PLXNA2: variants seen among roughly 807,000 people sequenced by gnomAD.
PLXNA2 encodes the protein plexin A2, also known as plexin-A2.
In PLXNA2, 91 loss-of-function variants were observed where a neutral mutation model predicts 193.5. That is an observed-to-expected ratio of 0.47 (90% CI 0.40 to 0.56). The LOEUF is 0.56. Ranked by LOEUF, PLXNA2 falls within the 20% of genes least tolerant of loss-of-function variation. The probability of loss-of-function intolerance (pLI) is 0.00; values close to 1 mark genes in which losing one functional copy is unlikely to be tolerated. For missense variants in PLXNA2, 1,995 were observed against 2,503.2 expected, an observed-to-expected ratio of 0.80 and a Z score of 4.33; for synonymous variants, 997 against 1,027.3, an observed-to-expected ratio of 0.97 and a Z score of 0.56.
rs1290466004 is a variant in PLXNA2, at chr1:208,025,986, T to A, written c.*1257A>T. 6.6e-6 allele frequency: 1 copy of A among 152,618 alleles called. No homozygotes were observed. Among genetic ancestry groups the A allele is most frequent in the Non-Finnish European group, 1.5e-5 (1 of 68,050 alleles). 9.5% of individuals were successfully genotyped at this position (152,618 alleles called of 1,614,324 possible). A position where few individuals can be genotyped will look rare whatever the true frequency, so the allele number is the denominator to read the frequency against. ...TATATGAGCGAAGGGTGGTCTCCCC[T>A]CTCCAGGCACGAGAGAATGAAAGAA... On this transcript the variant is annotated 3_prime_UTR_variant, in exon 32 of 32. Coordinates refer to ENST00000367033, the MANE Select transcript of PLXNA2 (RefSeq NM_025179.4).
intron 17 of PLXNA2, among the ~76,000 whole-genome samples, chr1:208,049,234 G>A (rs544221855): frequency 1.3e-5 from 2 of 151,856 alleles, no homozygotes; most frequent in Admixed American, 6.6e-5. Flanking sequence ...AGTAGAACAA[G>A]TTATACTCTG....
In PLXNA2 at chr1:208,096,785, C is replaced by T. The variant is rs534637391; in HGVS notation, c.1830G>A (p.Gln610=). The change falls in exon 7 of 32, where the codon CAG becomes CAA. Residue 610 remains glutamine, a synonymous_variant. Transcript: ENST00000367033. ...TEVEGQVSGS[Q]VICISPGPKD... Reference sequence around the variant, plus strand: ...TGGGCCCAGGTGAGATGCAGATGACCTGGCTCCCGGACACCTGCCCCTCCA... The same window carrying T: ...TGGGCCCAGGTGAGATGCAGATGACTTGGCTCCCGGACACCTGCCCCTCCA... 5.0e-6 allele frequency: 8 copies of T among 1,614,136 alleles called. No individual in the cohort carries two copies. Among genetic ancestry groups the T allele is most frequent in the Non-Finnish European group, 6.8e-6 (8 of 1,180,026 alleles).
In PLXNA2 at chr1:208,244,328, C is replaced by CGGA. The variant is rs1264106519; in HGVS notation, c.-767_-766insTCC. The CGGA allele has an allele frequency of 4.9e-6, 1 of 202,514 alleles. No homozygotes were observed. The highest frequency in any genetic ancestry group is 9.6e-6 in the Non-Finnish European group (1 of 103,732). 12.5% of individuals were successfully genotyped at this position (202,514 alleles called of 1,614,324 possible). A position where few individuals can be genotyped will look rare whatever the true frequency, so the allele number is the denominator to read the frequency against. ...GTGGCGGCGGCGGCGGCGGCGGCGG[C>CGGA]GGCGGCGGAGGAGCCCTGAGCGCCG... On this transcript the variant is annotated 5_prime_UTR_variant, in exon 1 of 32. Coordinates refer to ENST00000367033, the MANE Select transcript of PLXNA2 (RefSeq NM_025179.4).
chr1:208,171,728 C>T (rs1050090557), intron 3 of PLXNA2, among the ~76,000 whole-genome samples: 5 of 151,968 alleles, frequency 3.3e-5, no homozygotes, highest in African/African-American at 1.2e-4. Flanking sequence ...ATGTGGCATG[C>T]GCCTGTAGTC....
intron 11 of PLXNA2, among the ~76,000 whole-genome samples, chr1:208,080,738 A>G (rs1666308230): frequency 6.6e-6 from 1 of 152,164 alleles, no homozygotes; most frequent in Non-Finnish European, 1.5e-5. Context: ...AGCATCTATA[A>G]ATATGTACCA....
rs73079947 is a variant in PLXNA2, at chr1:208,210,361, G to A, written c.1290C>T (p.Asp430=). The change falls in exon 3 of 32, where the codon GAC becomes GAT. Residue 430 remains aspartate, a synonymous_variant. Coordinates refer to ENST00000367033, the MANE Select transcript of PLXNA2 (RefSeq NM_025179.4). ...EGLTLYTTSR[D]RMTSVASYVY... Reference sequence around the variant, plus strand: ...CGTAGGAGGCCACAGAGGTCATGCGGTCCCTGCTGGTGGTGTACAGGGTCA... The same window carrying A: ...CGTAGGAGGCCACAGAGGTCATGCGATCCCTGCTGGTGGTGTACAGGGTCA... 3,559 of 1,614,058 alleles carry A rather than the reference G, an allele frequency of 2.2e-3. 80 individuals carry two copies. The African/African-American group carries it at 0.043, about 19-fold the overall frequency.
chr1:208,090,192 C>T (rs945138703), intron 9 of PLXNA2, among the ~76,000 whole-genome samples: 2 of 152,154 alleles, frequency 1.3e-5, no homozygotes, highest in South Asian at 2.1e-4. Flanking sequence ...GACAGCCAAT[C>T]CCTGGGGCCA....
chr1:208,081,495 G>T (rs1226445812), intron 11 of PLXNA2, among the ~76,000 whole-genome samples: 1 of 152,162 alleles, frequency 6.6e-6, no homozygotes, highest in Non-Finnish European at 1.5e-5. Flanking sequence ...CAGGGGGGAA[G>T]GAGTTTAAAT....
intron 12 of PLXNA2, among the ~76,000 whole-genome samples, chr1:208,070,090 G>C (rs532887641): frequency 3.6e-4 from 55 of 152,190 alleles, no homozygotes; most frequent in African/African-American, 1.2e-3. Context: ...CTGCCCCAGG[G>C]GACACCCCCA....
At chr1:208,051,899 G>A (rs990028520) in intron 15 of PLXNA2, among the ~76,000 whole-genome samples, 1 of 152,168 alleles carries the variant, frequency 6.6e-6, no homozygotes, top group South Asian at 2.1e-4. Flanking sequence ...CATCTTCAGG[G>A]CTAGGGGAGT....
rs916967230 is a variant in PLXNA2, at chr1:208,162,109, G to A, written c.1372-19646C>T. Among the ~76,000 whole-genome samples the A allele has an allele frequency of 5.3e-5, 8 of 152,154 alleles. No homozygotes were observed. The South Asian group carries it at 1.0e-3, about 20-fold the overall frequency. ...TTAGAGCTCTCTATTTAAAGAACAC[G>A]CAGCACCCTGTGTAGAAGCACAGCA... On this transcript the variant is annotated intron_variant, in intron 3 of 31. Transcript: ENST00000367033.
chr1:208,152,679 A>ACG (rs1553288560), intron 3 of PLXNA2, among the ~76,000 whole-genome samples: 1,528 of 79,954 alleles, frequency 0.019, 12 homozygotes, highest in East Asian at 0.04. Context: ...ACACACACAC[A>ACG]CACGCACACA....
Position 208,044,672 on chromosome 1 carries a change from G to T in PLXNA2, c.3710C>A (p.Pro1237Gln). ...GCCGGCCGCGATGCTGACGATGGCT[G>T]GCAGGGTCAGCAAGCTGTCTGAGAT... ...SVISDSLLTL[P>Q]AIVSIAAGGS... Residue 1237 changes from proline to glutamine, a missense_variant, in exon 20 of 32, where the codon CCA becomes CAA. Around this residue, in one of 3 missense-constraint regions of PLXNA2, gnomAD observed 1,291 missense variants for 1,673.6 expected, o/e 0.77. Coordinates refer to ENST00000367033, the MANE Select transcript of PLXNA2 (RefSeq NM_025179.4). This position sits in a 1 kb window ranked among gnomAD's most constrained non-coding sequence, Gnocchi z 4.9. 6.2e-7 allele frequency: 1 copy of T among 1,614,158 alleles called. No homozygotes were observed. Among genetic ancestry groups the T allele is most frequent in the East Asian group, 2.2e-5 (1 of 44,876 alleles).
intron 2 of PLXNA2, among the ~76,000 whole-genome samples, chr1:208,212,679 G>A (rs575030326): frequency 6.6e-6 from 1 of 152,298 alleles, no homozygotes; most frequent in East Asian, 1.9e-4. Context: ...TGCCTGCATA[G>A]AGCCAGTTAT....
intron 13 of PLXNA2, among the ~76,000 whole-genome samples, chr1:208,060,272 C>T (rs1313673133): frequency 1.3e-5 from 2 of 152,334 alleles, no homozygotes; most frequent in East Asian, 1.9e-4. Flanking sequence ...TTTGCTCCAG[C>T]GGAGGCCCTG....
intron 26 of PLXNA2, among the ~76,000 whole-genome samples, chr1:208,037,740 T>G (rs1484183019): frequency 6.6e-6 from 1 of 152,164 alleles, no homozygotes; most frequent in East Asian, 1.9e-4. Flanking sequence ...TTTCTTTTTT[T>G]TTTTTGACTG....
At chr1:208,198,073 T>A (rs1271466315) in intron 3 of PLXNA2, among the ~76,000 whole-genome samples, 1 of 152,168 alleles carries the variant, frequency 6.6e-6, no homozygotes, top group Non-Finnish European at 1.5e-5. Context: ...CAATCCTAAT[T>A]ATATGGCTGC....
At chr1:208,109,913 C>G (rs1571927253) in intron 4 of PLXNA2, among the ~76,000 whole-genome samples, 1 of 152,352 alleles carries the variant, frequency 6.6e-6, no homozygotes, top group Non-Finnish European at 1.5e-5. Flanking sequence ...TAGCTGTTAA[C>G]TGATGGAATA....
chr1:208,095,002 C>A (rs1666834700), intron 8 of PLXNA2, among the ~76,000 whole-genome samples: 1 of 152,180 alleles, frequency 6.6e-6, no homozygotes, highest in Non-Finnish European at 1.5e-5. Context: ...CTGGATACCC[C>A]TGAAGACCTG....
Sources: gnomAD v4.1 joint callset for allele counts (sites outside exome capture counted in the v4.1 genomes callset) on GRCh38, gnomAD v4.1.1 for gene constraint, gnomAD v4.1.1 regional missense constraint, Gnocchi (gnomAD v3.1) non-coding constraint, MANE v1.5 for transcripts, NCBI Gene and HGNC (gene_info 2026-07-23, HGNC 2026-07-21) for gene names.